The following ARK2N variants were observed in gnomAD, a reference collection of about 807,000 sequenced individuals.
ARK2N encodes the protein arkadia (RNF111) N-terminal like PKA signaling regulator 2N, also known as protein ARK2N.
chr18:46,246,914 C>T, the ARK2N span, among the ~76,000 whole-genome samples: 3 of 148,114 alleles, frequency 2.0e-5, no homozygotes, highest in African/African-American at 7.5e-5. Flanking sequence ...GCACTCCAGC[C>T]TGAGCAACAA....
At chr18:46,241,807 G>GTTATTTAT in the ARK2N span, among the ~76,000 whole-genome samples, 2 of 152,008 alleles carry the variant, frequency 1.3e-5, no homozygotes, top group East Asian at 3.9e-4. Context: ...GTGTTTCTAA[G>GTTATTTAT]TTATTTATTT....
chr18:46,233,004 C>T, the ARK2N span: 1 of 151,958 alleles, frequency 6.6e-6, no homozygotes, highest in Non-Finnish European at 1.5e-5. Flanking sequence ...ATTAGGTGTT[C>T]CTGAATCAAG....
chr18:46,252,520 C>A, the ARK2N span, among the ~76,000 whole-genome samples: 1 of 152,040 alleles, frequency 6.6e-6, no homozygotes, highest in Non-Finnish European at 1.5e-5. Flanking sequence ...GTGATCCGCC[C>A]ACCTTGGCCT....
At chr18:46,182,335 G>C in the ARK2N span, among the ~76,000 whole-genome samples, 3 of 152,160 alleles carry the variant, frequency 2.0e-5, no homozygotes, top group African/African-American at 7.2e-5. Context: ...GAGAATTTTG[G>C]CAGCTTTTAT....
chr18:46,250,491 T>TAC, the ARK2N span, among the ~76,000 whole-genome samples: 1,557 of 129,746 alleles, frequency 0.012, 26 homozygotes, highest in South Asian at 0.028. Context: ...CCTCCATTCG[T>TAC]ACACACACAC....
chr18:46,199,563 G>A, the ARK2N span, among the ~76,000 whole-genome samples: 1 of 147,398 alleles, frequency 6.8e-6, no homozygotes, highest in African/African-American at 2.5e-5. Context: ...CTGACCTCAA[G>A]TGATCCACCC....
At chr18:46,212,990 ATTTTTTTTTTT>A in the ARK2N span, among the ~76,000 whole-genome samples, 546 of 80,544 alleles carry the variant, frequency 6.8e-3, 3 homozygotes, top group African/African-American at 0.023. Context: ...TTTAAGAAGA[ATTTTTTTTTTT>A]TTTTTTTTTT....
At chr18:46,210,738 C>T in the ARK2N span, among the ~76,000 whole-genome samples, 5 of 151,794 alleles carry the variant, frequency 3.3e-5, no homozygotes, top group Admixed American at 1.3e-4. Context: ...GGTGATACCC[C>T]GTCTCTACAA....
At chr18:46,240,562 G>A in the ARK2N span, among the ~76,000 whole-genome samples, 5 of 152,180 alleles carry the variant, frequency 3.3e-5, no homozygotes, top group Admixed American at 2.6e-4. Context: ...AGCTTGGATA[G>A]GGAATCGTTG....
At chr18:46,213,652 T>C in the ARK2N span, among the ~76,000 whole-genome samples, 1 of 152,320 alleles carries the variant, frequency 6.6e-6, no homozygotes, top group African/African-American at 2.4e-5. Flanking sequence ...ACAAATATGC[T>C]TGTGAAGTAG....
the ARK2N span, among the ~76,000 whole-genome samples, chr18:46,234,025 T>G: frequency 1.3e-5 from 2 of 152,168 alleles, no homozygotes; most frequent in Non-Finnish European, 2.9e-5. Flanking sequence ...AAATGGCCCT[T>G]TATAGATTTT....
the ARK2N span, among the ~76,000 whole-genome samples, chr18:46,175,192 C>T: frequency 2.2e-5 from 3 of 139,184 alleles, no homozygotes; most frequent in African/African-American, 8.0e-5. Context: ...AACATCGGTA[C>T]GAGCCCTACC....
At chr18:46,253,738 G>A in the ARK2N span, 1 of 882,952 alleles carries the variant, frequency 1.1e-6, no homozygotes, top group Non-Finnish European at 1.5e-6. Context: ...CAAAACATCT[G>A]CTGGCAATGC....
At chr18:46,215,505 A>G in the ARK2N span, among the ~76,000 whole-genome samples, 1 of 152,180 alleles carries the variant, frequency 6.6e-6, no homozygotes, top group Non-Finnish European at 1.5e-5. Flanking sequence ...ATTATATCAG[A>G]GTTTTGAAGA....
the ARK2N span, among the ~76,000 whole-genome samples, chr18:46,190,844 C>T: frequency 6.6e-6 from 1 of 152,150 alleles, no homozygotes; most frequent in Non-Finnish European, 1.5e-5. Flanking sequence ...ATTAACTGCA[C>T]TGGTTTTCTG....
the ARK2N span, among the ~76,000 whole-genome samples, chr18:46,209,289 A>G: frequency 9.0e-6 from 1 of 111,434 alleles, no homozygotes; most frequent in Non-Finnish European, 1.8e-5. Context: ...ATACTTCTCC[A>G]CTTTTTTTTT....
chr18:46,238,354 C>T, the ARK2N span, among the ~76,000 whole-genome samples: 7 of 152,110 alleles, frequency 4.6e-5, no homozygotes, highest in Non-Finnish European at 8.8e-5. Flanking sequence ...TCTTCTGTAT[C>T]CAAGTATTTG....
At chr18:46,257,812 C>T in the ARK2N span, among the ~76,000 whole-genome samples, 1 of 152,094 alleles carries the variant, frequency 6.6e-6, no homozygotes, top group Non-Finnish European at 1.5e-5. Flanking sequence ...TTCTGAGGAC[C>T]TCATTCTAGT....
At chr18:46,256,824 G>T in the ARK2N span, among the ~76,000 whole-genome samples, 20 of 152,130 alleles carry the variant, frequency 1.3e-4, no homozygotes, top group Admixed American at 1.3e-3. Flanking sequence ...GAGTCTTTCT[G>T]ATGTTTTTTT....
Sources: gnomAD v4.1 joint callset for allele counts (sites outside exome capture counted in the v4.1 genomes callset) on GRCh38, gnomAD v4.1.1 for gene constraint, MANE v1.5 for transcripts, NCBI Gene and HGNC (gene_info 2026-07-23, HGNC 2026-07-21) for gene names.